Variants in CSMD3 observed in about 807,000 individuals in gnomAD.
CSMD3 encodes the protein CUB and sushi domain-containing protein 3.
A neutral mutation model predicts 435.2 loss-of-function variants in CSMD3; 177 were observed. That is an observed-to-expected ratio of 0.41 (90% CI 0.36 to 0.46). The LOEUF is 0.46. CSMD3 is among the 20% of genes least tolerant of loss of function. The pLI is 0.34. For synonymous variants in CSMD3, 1,656 were observed against 1,520.5 expected (o/e 1.09, Z -2.07); for missense variants, 4,265 against 4,504.6 (o/e 0.95, Z 1.52).
intron 12 of CSMD3, among the ~76,000 whole-genome samples, chr8:112,820,641 ATT>A (rs112907451): frequency 1.9e-4 from 27 of 142,588 alleles, no homozygotes; most frequent in Non-Finnish European, 1.7e-4. Flanking sequence ...TGAGGCCTTA[ATT>A]TTTTTTTTTT....
intron 1 of CSMD3, among the ~76,000 whole-genome samples, chr8:113,376,157 A>T (rs1350776191): frequency 3.9e-5 from 6 of 152,176 alleles, no homozygotes; most frequent in Non-Finnish European, 7.4e-5. Flanking sequence ...TTGAACATAG[A>T]AGATAAAATT....
chr8:113,369,711 A>C (rs1220025472), intron 1 of CSMD3, among the ~76,000 whole-genome samples: 1 of 152,090 alleles, frequency 6.6e-6, no homozygotes, highest in Non-Finnish European at 1.5e-5. Context: ...ACACAATGGA[A>C]TATTATTAAG....
chr8:113,278,462 C>A, intron 3 of CSMD3, 130 bp downstream of exon 3: 2 of 670,584 alleles, frequency 3.0e-6, no homozygotes, highest in Non-Finnish European at 5.5e-6. Flanking sequence ...TGATTAATAA[C>A]AAGATAAATT....
At chr8:113,355,749 T>TATATATATATATACACAC (rs1357514892) in intron 1 of CSMD3, among the ~76,000 whole-genome samples, 10 of 81,324 alleles carry the variant, frequency 1.2e-4, no homozygotes, top group African/African-American at 4.4e-4. Context: ...TATATATATA[T>TATATATATATATACACAC]ACACACACAC....
intron 4 of CSMD3, among the ~76,000 whole-genome samples, chr8:113,149,234 C>T (rs1588155235): frequency 6.6e-6 from 1 of 151,898 alleles, no homozygotes; most frequent in East Asian, 2.0e-4. Context: ...AAAATGCTCA[C>T]CATAACTTTG....
chr8:112,560,351 C>T (rs1828509757), intron 24 of CSMD3, among the ~76,000 whole-genome samples: 1 of 151,606 alleles, frequency 6.6e-6, no homozygotes, highest in East Asian at 1.9e-4. Flanking sequence ...AGCTGAAATT[C>T]TTTCCTTTTT....
chr8:112,574,506 C>T (rs1182313930), intron 23 of CSMD3, among the ~76,000 whole-genome samples: 3 of 151,808 alleles, frequency 2.0e-5, no homozygotes, highest in African/African-American at 4.8e-5. Flanking sequence ...TCTAGAAATA[C>T]GGGATATGAA....
At chr8:113,434,467 C>A (rs181178319) in intron 1 of CSMD3, among the ~76,000 whole-genome samples, 1 of 152,288 alleles carries the variant, frequency 6.6e-6, no homozygotes, top group East Asian at 1.9e-4. Flanking sequence ...AAGCAACTAT[C>A]AAAATTGGCA....
At chr8:112,614,349 T>C (rs1284869451) in intron 22 of CSMD3, among the ~76,000 whole-genome samples, 4 of 152,166 alleles carry the variant, frequency 2.6e-5, no homozygotes, top group African/African-American at 9.6e-5. Context: ...AGGATCACTA[T>C]ATGTTTGTCC....
intron 22 of CSMD3, among the ~76,000 whole-genome samples, chr8:112,588,446 C>G (rs1830910731): frequency 6.7e-6 from 1 of 149,124 alleles, no homozygotes; most frequent in South Asian, 2.1e-4. Context: ...TAAAAGTTAC[C>G]CCTAAATTCC....
At chr8:112,655,093 C>T (rs1489799740) in intron 18 of CSMD3, among the ~76,000 whole-genome samples, 2 of 151,918 alleles carry the variant, frequency 1.3e-5, no homozygotes, top group African/African-American at 4.8e-5. Flanking sequence ...TCAAACAATA[C>T]TGTAGATAAG....
At chr8:112,339,624 C>T (rs1319268454) in intron 42 of CSMD3, among the ~76,000 whole-genome samples, 1 of 152,150 alleles carries the variant, frequency 6.6e-6, no homozygotes, top group Non-Finnish European at 1.5e-5. Flanking sequence ...GTACCGGTGA[C>T]AACAGGACTT....
intron 9 of CSMD3, among the ~76,000 whole-genome samples, chr8:112,938,745 T>C (rs1283458419): frequency 6.6e-6 from 1 of 152,016 alleles, no homozygotes; most frequent in Admixed American, 6.6e-5. Context: ...ATGACAAAAG[T>C]GGAAAGATAA....
chr8:113,359,541 C>T (rs2094257086), intron 1 of CSMD3, among the ~76,000 whole-genome samples: 1 of 152,132 alleles, frequency 6.6e-6, no homozygotes, highest in Non-Finnish European at 1.5e-5. Flanking sequence ...ACAGCTTCAG[C>T]TCATGCAAGA....
At position 112,682,440 on chromosome 8, in the gene CSMD3, A is replaced by G. The variant is rs1586958665; in HGVS notation, c.2677+2T>C. On this transcript the variant is annotated splice_donor_variant, in intron 16 of 70. Coordinates refer to ENST00000297405, the MANE Select transcript of CSMD3 (RefSeq NM_198123.2). LOFTEE classifies it high-confidence loss of function. The stretch of plus-strand genomic sequence containing the variant: ...CTATTTCTCACTCACTACTACACTT[A>G]CCTCCACATTTTGGAATCAGTCCAC... 6.2e-7 allele frequency: 1 copy of G among 1,609,124 alleles called. No homozygotes were observed. Among genetic ancestry groups the G allele is most frequent in the Admixed American group, 1.7e-5 (1 of 59,990 alleles).
At chr8:112,291,148 G>C (rs1004766756) in intron 56 of CSMD3, among the ~76,000 whole-genome samples, 9 of 151,820 alleles carry the variant, frequency 5.9e-5, no homozygotes, top group Admixed American at 3.3e-4. Flanking sequence ...ATCCATGATG[G>C]ATGTTTAAGA....
At chr8:113,270,682 G>A (rs2093516254) in intron 3 of CSMD3, among the ~76,000 whole-genome samples, 1 of 152,056 alleles carries the variant, frequency 6.6e-6, no homozygotes. Flanking sequence ...GTAGGGACAT[G>A]GATGAAGCTG....
intron 1 of CSMD3, among the ~76,000 whole-genome samples, chr8:113,426,213 T>C (rs544676492): frequency 1.5e-4 from 22 of 151,570 alleles, no homozygotes; most frequent in African/African-American, 4.6e-4. Flanking sequence ...TAACATTTAG[T>C]TGAGATTAAA....
At chr8:113,308,329 C>A (rs1232511567) in intron 2 of CSMD3, among the ~76,000 whole-genome samples, 1 of 113,952 alleles carries the variant, frequency 8.8e-6, no homozygotes, top group Non-Finnish European at 1.6e-5. Flanking sequence ...AGTGCAGTGG[C>A]GCGATCTCGG....
Sources: gnomAD v4.1 joint callset for allele counts (sites outside exome capture counted in the v4.1 genomes callset) on GRCh38, gnomAD v4.1.1 for gene constraint, MANE v1.5 for transcripts, NCBI Gene and HGNC (gene_info 2026-07-23, HGNC 2026-07-21) for gene names.